RPH3A: variants seen among roughly 807,000 people sequenced by gnomAD.
RPH3A encodes rabphilin-3A.
Under a neutral mutation model 102.2 loss-of-function variants are expected in RPH3A, and 48 were observed. The ratio of observed to expected loss-of-function variants is 0.47; its 90% CI spans 0.37 to 0.60. RPH3A has a LOEUF of 0.60. Ranked by LOEUF, RPH3A falls within the 20% of genes least tolerant of loss-of-function variation. RPH3A has a pLI of 0.00. For synonymous variants in RPH3A, 310 were observed against 324.3 expected (o/e 0.96, Z 0.47); for missense variants, 781 against 910.1 (o/e 0.86, Z 1.83).
intron 8 of RPH3A, chr12:112,869,481 A>G: frequency 5.1e-6 from 2 of 396,002 alleles, no homozygotes; most frequent in Non-Finnish European, 4.5e-6. Flanking sequence ...TCACCACTAA[A>G]ATACTCCTTC....
At chr12:112,856,154 A>AGG (rs1395288755) in intron 5 of RPH3A, among the ~76,000 whole-genome samples, 2 of 152,224 alleles carry the variant, frequency 1.3e-5, no homozygotes, top group African/African-American at 4.8e-5. Context: ...AGCAGGGTGC[A>AGG]GGGTGTCTCT....
chr12:112,667,226 C>T (rs2040089179), intron 1 of RPH3A, among the ~76,000 whole-genome samples: 1 of 152,154 alleles, frequency 6.6e-6, no homozygotes, highest in Non-Finnish European at 1.5e-5. Flanking sequence ...GATGTGCAGG[C>T]AACTCCCAGA....
At chr12:112,867,711 G>C (rs940037264) in intron 7 of RPH3A, among the ~76,000 whole-genome samples, 1 of 152,150 alleles carries the variant, frequency 6.6e-6, no homozygotes, top group Admixed American at 6.5e-5. Context: ...GCAGTGGGTT[G>C]GGGGGAGCCA....
At chr12:112,654,936 A>C (rs1384277356) in intron 1 of RPH3A, among the ~76,000 whole-genome samples, 1 of 152,164 alleles carries the variant, frequency 6.6e-6, no homozygotes, top group African/African-American at 2.4e-5. Context: ...CTCCTCTATC[A>C]GTGTTTCCCC....
At chr12:112,663,369 C>T (rs1474082775) in intron 1 of RPH3A, among the ~76,000 whole-genome samples, 3 of 151,876 alleles carry the variant, frequency 2.0e-5, no homozygotes, top group African/African-American at 7.3e-5. Context: ...GTTACCATGC[C>T]TGACTAATTT....
At chr12:112,613,895 G>A (rs535495321) in intron 1 of RPH3A, among the ~76,000 whole-genome samples, 25 of 152,298 alleles carry the variant, frequency 1.6e-4, no homozygotes, top group African/African-American at 5.1e-4. Context: ...AGTGAGTTAT[G>A]ATTGCACCAC....
At chr12:112,861,377 T>C (rs1280509485) in intron 5 of RPH3A, among the ~76,000 whole-genome samples, 1 of 152,208 alleles carries the variant, frequency 6.6e-6, no homozygotes, top group Non-Finnish European at 1.5e-5. Context: ...GTAGATGGGC[T>C]AGAACCAGCC....
intron 2 of RPH3A, among the ~76,000 whole-genome samples, chr12:112,822,056 G>T (rs739832): frequency 0.18 from 27,483 of 151,662 alleles, 3,335 homozygotes; most frequent in African/African-American, 0.34. Context: ...TTCCCCCAAT[G>T]TGAGGCCCTT....
intron 1 of RPH3A, among the ~76,000 whole-genome samples, chr12:112,748,954 G>T (rs1452652909): frequency 2.0e-5 from 3 of 151,710 alleles, no homozygotes; most frequent in Non-Finnish European, 4.4e-5. Context: ...TTGGACTTTT[G>T]GTCTCTCTTG....
chr12:112,888,857 A>G (rs1291883923), intron 17 of RPH3A, among the ~76,000 whole-genome samples: 1 of 152,166 alleles, frequency 6.6e-6, no homozygotes, highest in South Asian at 2.1e-4. Flanking sequence ...AGGACTCAAC[A>G]ATCTATATTT....
chr12:112,705,693 G>A (rs1017938262), intron 1 of RPH3A, among the ~76,000 whole-genome samples: 1 of 152,052 alleles, frequency 6.6e-6, no homozygotes, highest in African/African-American at 2.4e-5. Context: ...TGTTTAATAT[G>A]TTTAAATGTT....
intron 2 of RPH3A, among the ~76,000 whole-genome samples, chr12:112,816,553 C>T (rs1007046297): frequency 2.4e-4 from 37 of 152,196 alleles, no homozygotes; most frequent in Non-Finnish European, 4.8e-4. Context: ...GAAGCTTCCA[C>T]TTGGAAACGT....
chr12:112,767,698 A>C (rs7294822), intron 1 of RPH3A, among the ~76,000 whole-genome samples: 74,845 of 151,976 alleles, frequency 0.49, 19,518 homozygotes, highest in East Asian at 0.7. Flanking sequence ...GTTCCCTTAT[A>C]TGAAAACTGG....
chr12:112,874,242 C>T (rs1458404884), intron 10 of RPH3A: 2 of 152,208 alleles, frequency 1.3e-5, no homozygotes, highest in Non-Finnish European at 2.9e-5. Flanking sequence ...CATTCAGTCC[C>T]TCTCTGGGAA....
chr12:112,801,554 G>A (rs932587465), intron 2 of RPH3A, among the ~76,000 whole-genome samples: 33 of 152,214 alleles, frequency 2.2e-4, no homozygotes, highest in African/African-American at 7.0e-4. Flanking sequence ...GTGCACACTC[G>A]TGTTGGTGAC....
At chr12:112,781,669 C>T (rs2041008682) in intron 1 of RPH3A, among the ~76,000 whole-genome samples, 2 of 152,198 alleles carry the variant, frequency 1.3e-5, no homozygotes, top group Admixed American at 1.3e-4. Context: ...TAAAATGGTG[C>T]CCTTTTCATC....
At chr12:112,869,620 A>T in intron 8 of RPH3A, 139 bp from the exon 9 acceptor site, 1 of 781,254 alleles carries the variant, frequency 1.3e-6, no homozygotes, top group Non-Finnish European at 2.1e-6. Flanking sequence ...ATCAAAGAGG[A>T]GGTTGGGAGA....
At chr12:112,754,262 A>G (rs902907870) in intron 1 of RPH3A, among the ~76,000 whole-genome samples, 10 of 152,330 alleles carry the variant, frequency 6.6e-5, no homozygotes, top group Middle Eastern at 3.4e-3. Flanking sequence ...TCATCTGTAA[A>G]ATGAACACCC....
At chr12:112,680,730 G>A (rs79113984) in intron 1 of RPH3A, among the ~76,000 whole-genome samples, 37,013 of 151,892 alleles carry the variant, frequency 0.24, 4,904 homozygotes, top group Admixed American at 0.32. Flanking sequence ...TCAGACTCAG[G>A]ACATGCATAG....
Sources: allele counts gnomAD v4.1 joint callset (sites outside exome capture counted in the v4.1 genomes callset), GRCh38; gene constraint gnomAD v4.1.1; transcripts MANE v1.5; gene names NCBI Gene and HGNC (gene_info 2026-07-23, HGNC 2026-07-21).